The following SPIRE2 variants were observed in gnomAD, a reference collection of about 807,000 sequenced individuals.
The protein encoded by SPIRE2 is spire type actin nucleation factor 2.
Under a neutral mutation model 80.7 loss-of-function variants are expected in SPIRE2, and 76 were observed. The ratio of observed to expected loss-of-function variants is 0.94; its 90% CI spans 0.78 to 1.14. SPIRE2 has a LOEUF of 1.14. Ranked by LOEUF, SPIRE2 falls within the 50% of genes most tolerant of loss-of-function variation. The pLI, the probability that SPIRE2 is intolerant of heterozygous loss-of-function variation, is 0.00. For synonymous variants in SPIRE2, 535 were observed against 432.6 expected, an observed-to-expected ratio of 1.24 and a Z score of -2.94; for missense variants, 1,196 against 1,015.3, an observed-to-expected ratio of 1.18 and a Z score of -2.42.
intron 1 of SPIRE2, among the ~76,000 whole-genome samples, chr16:89,835,742 C>T (rs751888723): frequency 7.2e-5 from 11 of 152,154 alleles, no homozygotes; most frequent in East Asian, 1.9e-4. Flanking sequence ...CAGCCCGTGC[C>T]GGGGAAGTCG....
chr16:89,831,467 G>T, intron 1 of SPIRE2, among the ~76,000 whole-genome samples: 1 of 145,424 alleles, frequency 6.9e-6, no homozygotes, highest in South Asian at 2.2e-4. Flanking sequence ...GCGCGTTCTC[G>T]GCTCACTGCA....
chr16:89,855,962 C>T lies in SPIRE2; in HGVS notation c.979-151C>T, dbSNP rs1454922826. ...CCAGAGCCCCCTGGGAGCAGCACTC[C>T]CTCCGGGTGGGCCTGGCAGGCTCTT... On this transcript the variant is annotated intron_variant, in intron 6 of 14. Coordinates refer to ENST00000378247, the MANE Select transcript of SPIRE2 (RefSeq NM_032451.2). The T allele has an allele frequency of 2.9e-6, 4 of 1,376,406 alleles. No homozygotes were observed. The East Asian group carries it at 7.6e-5, about 26-fold the overall frequency. 85.3% of individuals were successfully genotyped at this position (1,376,406 alleles called of 1,614,324 possible).
intron 1 of SPIRE2, among the ~76,000 whole-genome samples, chr16:89,843,562 A>AGT (rs2041523476): frequency 6.7e-6 from 1 of 149,340 alleles, no homozygotes; most frequent in Admixed American, 6.8e-5. Context: ...CTGTGATTTC[A>AGT]GTGTGCACAA....
In SPIRE2 at chr16:89,858,376, G is replaced by A. The variant is rs145719560; in HGVS notation, c.1141G>A (p.Gly381Arg). 18 of 1,611,230 alleles carry A rather than the reference G, an allele frequency of 1.1e-5. No homozygotes were observed. Among genetic ancestry groups the A allele is most frequent in the African/African-American group, 5.3e-5 (4 of 74,892 alleles). ...GCCCTGCATCCTCAACGCCTGCTCCGGAGATGCCAAGTCCACCTCCTGCAT... is the reference window on the plus strand; with the variant it reads ...GCCCTGCATCCTCAACGCCTGCTCCAGAGATGCCAAGTCCACCTCCTGCAT... ...SLPCILNACS[G>R]DAKSTSCINL... is the part of the protein sequence containing the mutation. The change falls in exon 8 of 15, where the codon GGA (glycine) becomes AGA (arginine). Residue 381 changes from glycine (G) to arginine (R), a missense_variant. Physicochemically the swap from Gly to Arg is moderately radical, Grantham distance 125. Transcript: ENST00000378247.
At chr16:89,838,251 C>G (rs1236798749) in intron 1 of SPIRE2, among the ~76,000 whole-genome samples, 1 of 147,770 alleles carries the variant, frequency 6.8e-6, no homozygotes, top group Non-Finnish European at 1.5e-5. Flanking sequence ...GGTGCAATCT[C>G]AGCTCACTGC....
intron 9 of SPIRE2, among the ~76,000 whole-genome samples, chr16:89,860,448 T>A (rs1440935529): frequency 6.6e-6 from 1 of 152,030 alleles, no homozygotes; most frequent in Non-Finnish European, 1.5e-5. Context: ...TCTATAGAGC[T>A]GAGGGTCTCG....
chr16:89,856,488 A>G (rs1250477765), intron 7 of SPIRE2, among the ~76,000 whole-genome samples: 1 of 152,014 alleles, frequency 6.6e-6, no homozygotes, highest in African/African-American at 2.4e-5. Context: ...TCTGTCGCCC[A>G]GGATGGAGTG....
At position 89,828,480 on chromosome 16, in the gene SPIRE2, G is replaced by C; in HGVS notation, c.-71G>C. The C allele has an allele frequency of 1.0e-6, 1 of 983,054 alleles. No individual in the cohort carries two copies. Among genetic ancestry groups the C allele is most frequent in the Non-Finnish European group, 1.2e-6 (1 of 829,124 alleles). The allele number at this position is 983,054 out of a possible 1,614,324, so 60.9% of individuals were successfully genotyped here. A position where few individuals can be genotyped will look rare whatever the true frequency, so the allele number is the denominator to read the frequency against. ...TCGCGCGGGGCGGGGCGGCCAGGCTGACCCTGCGCGGCGGAAGGCGCGGCT... is the reference window on the plus strand; with the variant it reads ...TCGCGCGGGGCGGGGCGGCCAGGCTCACCCTGCGCGGCGGAAGGCGCGGCT... On this transcript the variant is annotated 5_prime_UTR_variant, in exon 1 of 15. Coordinates refer to ENST00000378247, the MANE Select transcript of SPIRE2 (RefSeq NM_032451.2). This position sits in a 1 kb window ranked among gnomAD's most constrained non-coding sequence, Gnocchi z 5.9.
Position 89,863,206 on chromosome 16 carries a change from G to T in SPIRE2, c.1576-270G>T, listed in dbSNP as rs372340932. On this transcript the variant is annotated intron_variant, in intron 10 of 14. Transcript: ENST00000378247. The surrounding 1 kb of genome is among the most constrained non-coding windows in gnomAD (Gnocchi z 4.3). ...AGGCAGGGACACCTTGAACAGACATGGGCTGAGGGGAGTTTGTGTGGAGCG... is the reference window on the plus strand; with the variant it reads ...AGGCAGGGACACCTTGAACAGACATTGGCTGAGGGGAGTTTGTGTGGAGCG... The T allele has an allele frequency of 1.4e-5, 7 of 516,520 alleles. No individual in the cohort carries two copies. Among genetic ancestry groups the T allele is most frequent in the African/African-American group, 1.3e-4 (7 of 51,936 alleles). 32.0% of individuals were successfully genotyped at this position (516,520 alleles called of 1,614,324 possible). A position where few individuals can be genotyped will look rare whatever the true frequency, so the allele number is the denominator to read the frequency against.
At chr16:89,848,879 G>C (rs759831639) in intron 2 of SPIRE2, among the ~76,000 whole-genome samples, 4 of 97,898 alleles carry the variant, frequency 4.1e-5, no homozygotes, top group Non-Finnish European at 9.8e-5. Context: ...GGCCTTCTGC[G>C]GCGTTTCTGC....
chr16:89,850,683 C>A, intron 3 of SPIRE2, 23 bp downstream of exon 3: 2 of 733,046 alleles, frequency 2.7e-6, no homozygotes, highest in South Asian at 3.5e-5. Context: ...TGGGGGCGAC[C>A]GTGGAGGGTC....
rs1341014088 is a variant in SPIRE2 at position 89,863,881 on chromosome 16, G to A, written c.1778+20G>A. 2.5e-6 allele frequency: 4 copies of A among 1,604,776 alleles called. No individual in the cohort carries two copies. Among genetic ancestry groups the A allele is most frequent in the Non-Finnish European group, 8.5e-7 (1 of 1,173,426 alleles). On this transcript the variant is annotated intron_variant, in intron 12 of 14. Coordinates refer to ENST00000378247, the MANE Select transcript of SPIRE2 (RefSeq NM_032451.2). This position sits in a 1 kb window ranked among gnomAD's most constrained non-coding sequence, Gnocchi z 4.3. ...CAAGAGGTGAGCCTTCCCTTTAGCT[G>A]TCAGTTCACAAGGGAAGGAGGAGGC...
At chr16:89,867,887 C>G (rs1391531757) in intron 12 of SPIRE2, among the ~76,000 whole-genome samples, 1 of 152,296 alleles carries the variant, frequency 6.6e-6, no homozygotes, top group East Asian at 1.9e-4. Context: ...ATCTGGCCCA[C>G]CACCACTATG....
chr16:89,864,994 A>G (rs967645191), intron 12 of SPIRE2, among the ~76,000 whole-genome samples: 1 of 144,266 alleles, frequency 6.9e-6, no homozygotes, highest in Non-Finnish European at 1.5e-5. Context: ...TTGGAAGTAT[A>G]CTTTTTTTCC....
At chr16:89,845,207 T>G in intron 1 of SPIRE2, 115 bp from the exon 2 acceptor site, 1 of 936,976 alleles carries the variant, frequency 1.1e-6, no homozygotes, top group Admixed American at 1.9e-5. Context: ...TTTCTGGTGT[T>G]CCGGCGGAGA....
chr16:89,860,903 G>A lies in SPIRE2; in HGVS notation c.1575+108G>A, dbSNP rs909266227. 15 of 673,544 alleles carry A rather than the reference G, an allele frequency of 2.2e-5. No individual in the cohort carries two copies. In the South Asian group the frequency reaches 2.4e-4, roughly 11 times the overall value. 41.7% of individuals were successfully genotyped at this position (673,544 alleles called of 1,614,324 possible). A position where few individuals can be genotyped will look rare whatever the true frequency, so the allele number is the denominator to read the frequency against. On this transcript the variant is annotated intron_variant, in intron 10 of 14. Transcript: ENST00000378247. Reference sequence around the variant, plus strand: ...GATGGGTCTGAGCACCTGTCTGGGGGGTGTGGCCTGAGCGTCCGTCTGGGG... The same window carrying A: ...GATGGGTCTGAGCACCTGTCTGGGGAGTGTGGCCTGAGCGTCCGTCTGGGG...
chr16:89,831,649 G>A lies in SPIRE2; in HGVS notation c.244+2855G>A, dbSNP rs920177869. On this transcript the variant is annotated intron_variant, in intron 1 of 14. Transcript: ENST00000378247. Reference sequence around the variant, plus strand: ...CCTGACCTCATGATCCGCCCACCTCGGCCTCCCAAAGTGCTGGGATTACAG... The same window carrying A: ...CCTGACCTCATGATCCGCCCACCTCAGCCTCCCAAAGTGCTGGGATTACAG... Among the ~76,000 whole-genome samples, 20 of 150,826 alleles carry A rather than the reference G, an allele frequency of 1.3e-4. 1 individual carries two copies. Among genetic ancestry groups the A allele is most frequent in the African/African-American group, 4.1e-4 (17 of 41,324 alleles).
At chr16:89,855,560 T>C in intron 5 of SPIRE2, 40 bp from the exon 6 acceptor site, 6 of 1,578,884 alleles carry the variant, frequency 3.8e-6, no homozygotes, top group Non-Finnish European at 4.3e-6. Context: ...CACTAGTGGA[T>C]GGTCCCTGCA....
Position 89,856,193 on chromosome 16 carries a change from G to A in SPIRE2, c.1059G>A (p.Glu353=), listed in dbSNP as rs753893073. ...AGATCCTGGAGGAGATCAAGCAGGA[G>A]CGGAGGCTGCGCCCGGTGCGGGGCG... is the stretch of plus-strand genomic sequence containing the variant. The part of the protein sequence containing the change: ...HEKILEEIKQ[E]RRLRPVRGEG... The change falls in exon 7 of 15, where the codon GAG becomes GAA. Residue 353 remains glutamate, a synonymous_variant. Coordinates refer to ENST00000378247, the MANE Select transcript of SPIRE2 (RefSeq NM_032451.2). 2.1e-5 allele frequency: 34 copies of A among 1,602,238 alleles called. No individual in the cohort carries two copies. Among genetic ancestry groups the A allele is most frequent in the East Asian group, 1.1e-4 (5 of 44,450 alleles).
Sources: gnomAD v4.1 joint callset for allele counts (sites outside exome capture counted in the v4.1 genomes callset) on GRCh38, gnomAD v4.1.1 for gene constraint, Gnocchi (gnomAD v3.1) non-coding constraint, MANE v1.5 for transcripts, NCBI Gene and HGNC (gene_info 2026-07-23, HGNC 2026-07-21) for gene names.